Variants in DPYD observed in about 807,000 individuals in gnomAD.
The protein encoded by DPYD is dihydropyrimidine dehydrogenase [NADP(+)].
Under a neutral mutation model 116.2 loss-of-function variants are expected in DPYD, and 109 were observed. The observed-to-expected ratio is 0.94, with a 90% CI of 0.80 to 1.10. DPYD has a LOEUF of 1.10. Ranked by LOEUF, DPYD falls within the 50% of genes least tolerant of loss-of-function variation. DPYD has a pLI of 0.00. For missense variants in DPYD, 1,302 were observed against 1,254.5 expected (o/e 1.04, Z -0.57); for synonymous variants, 440 against 432.0 (o/e 1.02, Z -0.23).
At chr1:97,120,723 C>T (rs1652363134) in intron 20 of DPYD, among the ~76,000 whole-genome samples, 1 of 152,196 alleles carries the variant, frequency 6.6e-6, no homozygotes, top group South Asian at 2.1e-4. Context: ...CCATGGGGCA[C>T]ATACTAAGCC....
intron 1 of DPYD, among the ~76,000 whole-genome samples, chr1:97,899,112 T>C (rs77419753): frequency 6.6e-6 from 1 of 151,610 alleles, no homozygotes; most frequent in East Asian, 2.0e-4. Flanking sequence ...TTTTTTTTTT[T>C]AATGCCAAAG....
chr1:97,127,772 C>G (rs999757280), intron 20 of DPYD, among the ~76,000 whole-genome samples: 2 of 152,080 alleles, frequency 1.3e-5, no homozygotes, highest in African/African-American at 4.8e-5. Flanking sequence ...ATTTCTGGAG[C>G]CATTTCCTTG....
At chr1:97,231,426 GGGAAGCCTCACAATCATGT>G (rs1387123753) in intron 19 of DPYD, among the ~76,000 whole-genome samples, 1 of 152,144 alleles carries the variant, frequency 6.6e-6, no homozygotes, top group Non-Finnish European at 1.5e-5. Context: ...CACATGGCTG[GGGAAGCCTCACAATCATGT>G]GGAAGGCAAA....
intron 10 of DPYD, among the ~76,000 whole-genome samples, chr1:97,589,311 T>A (rs1426833608): frequency 6.6e-6 from 1 of 152,236 alleles, no homozygotes; most frequent in East Asian, 1.9e-4. Flanking sequence ...ATTCTCATTT[T>A]GAATTGTAAT....
intron 18 of DPYD, among the ~76,000 whole-genome samples, chr1:97,291,615 C>A (rs1421508237): frequency 2.6e-5 from 4 of 151,716 alleles, no homozygotes; most frequent in Non-Finnish European, 5.9e-5. Context: ...CATTTTCTCA[C>A]TCATAGGTGG....
intron 3 of DPYD, among the ~76,000 whole-genome samples, chr1:97,819,581 A>T (rs1668812357): frequency 6.6e-6 from 1 of 152,132 alleles, no homozygotes; most frequent in Non-Finnish European, 1.5e-5. Context: ...ATTTCACTGG[A>T]AGTATTTTGT....
intron 1 of DPYD, among the ~76,000 whole-genome samples, chr1:97,896,751 T>C (rs192959342): frequency 2.0e-5 from 3 of 152,028 alleles, no homozygotes; most frequent in African/African-American, 7.2e-5. Flanking sequence ...ATCTACTTTC[T>C]AACTCTTTGG....
At chr1:97,580,596 C>A (rs1570995972) in intron 10 of DPYD, among the ~76,000 whole-genome samples, 1 of 152,128 alleles carries the variant, frequency 6.6e-6, no homozygotes. Context: ...TTTGCTTGAC[C>A]CAACTTTAGT....
Position 97,847,153 on chromosome 1 carries a change from T to C in DPYD, c.151-18957A>G, listed in dbSNP as rs374049502. ...ATTTAGAACTGGACATGGAGTTTTA[T>C]ATTTTTCCTCAAAATAACTGTCTTT... is the stretch of plus-strand genomic sequence containing the variant. On this transcript the variant is annotated intron_variant, in intron 2 of 22. Coordinates refer to ENST00000370192, the MANE Select transcript of DPYD (RefSeq NM_000110.4). Among the ~76,000 whole-genome samples, 91 of 152,324 alleles carry C rather than the reference T, an allele frequency of 6.0e-4. 1 individual carries two copies. The highest frequency in any genetic ancestry group is 2.1e-3 in the African/African-American group (87 of 41,568).
chr1:97,910,349 T>C (rs1372905531), intron 1 of DPYD, among the ~76,000 whole-genome samples: 1 of 152,090 alleles, frequency 6.6e-6, no homozygotes, highest in Admixed American at 6.6e-5. Flanking sequence ...TTCCTGTGTT[T>C]TAAAGAAGAC....
intron 18 of DPYD, among the ~76,000 whole-genome samples, chr1:97,257,113 T>C (rs1275266435): frequency 2.0e-5 from 3 of 152,170 alleles, no homozygotes; most frequent in African/African-American, 7.2e-5. Context: ...TCTGAGTTTT[T>C]TTGATTAGAA....
intron 14 of DPYD, among the ~76,000 whole-genome samples, chr1:97,409,989 C>T (rs541458682): frequency 1.2e-4 from 18 of 151,634 alleles, no homozygotes; most frequent in African/African-American, 3.4e-4. Flanking sequence ...TTGCTTGAAC[C>T]GGGGAGGTGA....
chr1:97,307,792 A>G (rs1203841263), intron 16 of DPYD, among the ~76,000 whole-genome samples: 1 of 151,918 alleles, frequency 6.6e-6, no homozygotes, highest in Non-Finnish European at 1.5e-5. Context: ...ATGCTCATGA[A>G]ATATTTATAA....
chr1:97,132,234 A>G (rs1468404156), intron 20 of DPYD, among the ~76,000 whole-genome samples: 2 of 152,184 alleles, frequency 1.3e-5, no homozygotes, highest in Non-Finnish European at 2.9e-5. Flanking sequence ...CAACAGGAAC[A>G]TCGTTCCTGG....
chr1:97,529,417 T>C (rs1649396849), intron 12 of DPYD, among the ~76,000 whole-genome samples: 1 of 152,216 alleles, frequency 6.6e-6, no homozygotes, highest in Middle Eastern at 3.2e-3. Context: ...ACGGCTTCAC[T>C]AAACATTGTT....
intron 20 of DPYD, among the ~76,000 whole-genome samples, chr1:97,157,442 G>A (rs1271130833): frequency 6.6e-6 from 1 of 152,026 alleles, no homozygotes; most frequent in Non-Finnish European, 1.5e-5. Flanking sequence ...ATCTACTTAT[G>A]TGGGATTTTA....
chr1:97,776,980 T>G (rs1666442580), intron 3 of DPYD, among the ~76,000 whole-genome samples: 1 of 152,184 alleles, frequency 6.6e-6, no homozygotes, highest in Non-Finnish European at 1.5e-5. Flanking sequence ...GAGTTTTAAT[T>G]AAAGTAGTAT....
intron 16 of DPYD, among the ~76,000 whole-genome samples, chr1:97,359,980 G>T (rs1323434872): frequency 6.6e-6 from 1 of 152,074 alleles, no homozygotes; most frequent in Non-Finnish European, 1.5e-5. Flanking sequence ...AATGTAAATG[G>T]GCTAAATGTT....
intron 8 of DPYD, among the ~76,000 whole-genome samples, chr1:97,627,811 A>G (rs2100785896): frequency 6.6e-6 from 1 of 151,524 alleles, no homozygotes; most frequent in Non-Finnish European, 1.5e-5. Context: ...AACATTACTA[A>G]TAGTATTATA....
Sources: allele counts gnomAD v4.1 joint callset (sites outside exome capture counted in the v4.1 genomes callset), GRCh38; gene constraint gnomAD v4.1.1; transcripts MANE v1.5; gene names NCBI Gene and HGNC (gene_info 2026-07-23, HGNC 2026-07-21).